Variants in NDST3 observed in about 807,000 individuals in gnomAD.
The protein encoded by NDST3 is N-deacetylase and N-sulfotransferase 3.
In NDST3, 58 loss-of-function variants were observed where a neutral mutation model predicts 96.1. That is an observed-to-expected ratio of 0.60 (90% CI 0.49 to 0.75). The LOEUF is 0.75. NDST3 is among the 30% of genes least tolerant of loss of function. The probability of loss-of-function intolerance (pLI) is 0.00; values close to 1 mark genes in which losing one functional copy is unlikely to be tolerated. For synonymous variants in NDST3, 333 were observed against 359.7 expected, an observed-to-expected ratio of 0.93 and a Z score of 0.84; for missense variants, 788 against 1,034.2, an observed-to-expected ratio of 0.76 and a Z score of 3.27.
chr4:118,078,744 GA>G (rs113277466), intron 2 of NDST3, among the ~76,000 whole-genome samples: 17 of 142,464 alleles, frequency 1.2e-4, no homozygotes, highest in African/African-American at 2.1e-4. Flanking sequence ...GCCAGACTCT[GA>G]AAAAAAAAAA....
At chr4:118,236,970 G>T in intron 9 of NDST3, 76 bp from the exon 10 acceptor site, 1 of 1,114,156 alleles carries the variant, frequency 9.0e-7, no homozygotes, top group South Asian at 2.3e-5. Context: ...GAATTTGTGG[G>T]ACACTTTTAA....
intron 6 of NDST3, among the ~76,000 whole-genome samples, chr4:118,170,628 C>T (rs1425861152): frequency 6.6e-6 from 1 of 152,136 alleles, no homozygotes; most frequent in South Asian, 2.1e-4. Flanking sequence ...ACTTGGGAGG[C>T]TGAGGCAGAA....
chr4:118,189,570 T>C (rs898013162), intron 6 of NDST3, among the ~76,000 whole-genome samples: 1 of 152,140 alleles, frequency 6.6e-6, no homozygotes, highest in Non-Finnish European at 1.5e-5. Context: ...AATATGATTA[T>C]AAGTAACCAT....
At chr4:118,230,480 A>C (rs1740201286) in intron 8 of NDST3, among the ~76,000 whole-genome samples, 1 of 151,962 alleles carries the variant, frequency 6.6e-6, no homozygotes, top group South Asian at 2.1e-4. Context: ...GAGGCTGAGG[A>C]AGGAGAATGG....
intron 2 of NDST3, among the ~76,000 whole-genome samples, chr4:118,097,216 G>C (rs1035540811): frequency 2.0e-5 from 3 of 151,914 alleles, no homozygotes; most frequent in African/African-American, 7.2e-5. Flanking sequence ...GTACTTTTGA[G>C]CCAGCACAAT....
At chr4:118,227,704 C>T (rs1450011533) in intron 8 of NDST3, among the ~76,000 whole-genome samples, 2 of 150,678 alleles carry the variant, frequency 1.3e-5, no homozygotes, top group Non-Finnish European at 2.9e-5. Context: ...CTCCGCCTCC[C>T]GGGTTCACGC....
intron 2 of NDST3, among the ~76,000 whole-genome samples, chr4:118,068,318 G>A (rs1726769861): frequency 6.6e-6 from 1 of 151,824 alleles, no homozygotes; most frequent in Non-Finnish European, 1.5e-5. Context: ...TATTGTTGAT[G>A]AACCTAAAAC....
chr4:118,128,356 A>G (rs35433749), intron 4 of NDST3, among the ~76,000 whole-genome samples: 77,920 of 151,744 alleles, frequency 0.51, 24,054 homozygotes, highest in East Asian at 0.74. Context: ...TGAGGTATGT[A>G]CCTTCTATAC....
chr4:118,093,099 G>A (rs867593611), intron 2 of NDST3, among the ~76,000 whole-genome samples: 2 of 151,940 alleles, frequency 1.3e-5, no homozygotes, highest in South Asian at 2.1e-4. Context: ...AGGGCTGTGC[G>A]CTGGAACTGA....
At chr4:118,108,898 A>C (rs1578653925) in intron 3 of NDST3, among the ~76,000 whole-genome samples, 1 of 42,684 alleles carries the variant, frequency 2.3e-5, no homozygotes, top group Non-Finnish European at 1.3e-4. Flanking sequence ...AACAACTGGG[A>C]ACCTCATGAT....
intron 4 of NDST3, among the ~76,000 whole-genome samples, chr4:118,132,430 T>C (rs1732708776): frequency 6.6e-6 from 1 of 152,060 alleles, no homozygotes; most frequent in African/African-American, 2.4e-5. Context: ...TTGTGGTGAA[T>C]GCTGCCTGGC....
At chr4:118,129,688 T>C (rs1279875448) in intron 4 of NDST3, among the ~76,000 whole-genome samples, 1 of 152,124 alleles carries the variant, frequency 6.6e-6, no homozygotes, top group African/African-American at 2.4e-5. Context: ...GTTCCATAAA[T>C]ATATATTAGA....
At chr4:118,184,152 T>G (rs779223732) in intron 6 of NDST3, among the ~76,000 whole-genome samples, 104 of 152,226 alleles carry the variant, frequency 6.8e-4, no homozygotes, top group Non-Finnish European at 1.1e-3. Flanking sequence ...AATCATTTCA[T>G]TGCACATGGC....
At chr4:118,223,976 C>A (rs1578837888) in intron 6 of NDST3, among the ~76,000 whole-genome samples, 1 of 152,150 alleles carries the variant, frequency 6.6e-6, no homozygotes, top group Admixed American at 6.6e-5. Context: ...GTCTAACCTG[C>A]AGAGTTCAAA....
At chr4:118,066,257 T>A (rs867965642) in intron 2 of NDST3, among the ~76,000 whole-genome samples, 4 of 8,352 alleles carry the variant, frequency 4.8e-4, no homozygotes, top group Admixed American at 3.6e-3. Context: ...TATTATATAT[T>A]ATATATATTA....
intron 6 of NDST3, among the ~76,000 whole-genome samples, chr4:118,154,817 G>C (rs1381720627): frequency 5.3e-5 from 8 of 152,144 alleles, no homozygotes; most frequent in African/African-American, 1.9e-4. Flanking sequence ...CTGCACGCCT[G>C]GCTAAATTGG....
rs145120855 is a variant in NDST3 at position 118,174,728 on chromosome 4, A to AT, written c.1539+31050dup. Among the ~76,000 whole-genome samples the AT allele has an allele frequency of 8.0e-3, 1,215 of 152,108 alleles. 82 individuals are homozygous for AT. In the East Asian group the frequency reaches 0.14, roughly 18 times the overall value. ...AAACATTTGGCACTGTTTCATTTTA[A>AT]TTTTTTACTTCTCCTTGACTCTTTG... On this transcript the variant is annotated intron_variant, in intron 6 of 13. Transcript: ENST00000296499.
At chr4:118,095,553 G>GT (rs11448394) in intron 2 of NDST3, among the ~76,000 whole-genome samples, 10,489 of 144,658 alleles carry the variant, frequency 0.073, 447 homozygotes, top group Non-Finnish European at 0.1. Context: ...TGTACATTCT[G>GT]TTTTTTTTTT....
At chr4:118,219,924 C>T (rs919959712) in intron 6 of NDST3, among the ~76,000 whole-genome samples, 4 of 152,120 alleles carry the variant, frequency 2.6e-5, no homozygotes, top group East Asian at 3.9e-4. Flanking sequence ...CTCAACATCA[C>T]TGATCATTAG....
Sources: gnomAD v4.1 joint callset for allele counts (sites outside exome capture counted in the v4.1 genomes callset) on GRCh38, gnomAD v4.1.1 for gene constraint, MANE v1.5 for transcripts, NCBI Gene and HGNC (gene_info 2026-07-23, HGNC 2026-07-21) for gene names.